The following NR2F6 variants were observed in gnomAD, a reference collection of about 807,000 sequenced individuals.
NR2F6 encodes nuclear receptor subfamily 2 group F member 6, also known as ERBA-related gene-2.
NR2F6 carries 16 observed loss-of-function variants against 26.5 expected under a neutral mutation model. That is an observed-to-expected ratio of 0.60 (90% CI 0.41 to 0.92). The LOEUF (loss-of-function observed/expected upper bound fraction) is 0.92, where lower values mean the gene tolerates loss of function less well. NR2F6 is among the 40% of genes least tolerant of loss of function. The probability of loss-of-function intolerance (pLI) is 0.00; values close to 1 mark genes in which losing one functional copy is unlikely to be tolerated. For missense variants in NR2F6, 536 were observed against 631.7 expected, an observed-to-expected ratio of 0.85 and a Z score of 1.62; for synonymous variants, 325 against 305.0, an observed-to-expected ratio of 1.07 and a Z score of -0.68.
chr19:17,232,732 G>A, intron 3 of NR2F6, 106 bp from the exon 4 acceptor site: 2 of 1,353,244 alleles, frequency 1.5e-6, no homozygotes, highest in South Asian at 3.0e-5. Flanking sequence ...AGAACAGGGG[G>A]CCGGGCATGA....
intron 2 of NR2F6, among the ~76,000 whole-genome samples, chr19:17,238,525 G>C (rs1193876605): frequency 6.6e-6 from 1 of 152,162 alleles, no homozygotes; most frequent in Non-Finnish European, 1.5e-5. Flanking sequence ...TAAAGCATGA[G>C]CTGTCATCAT....
chr19:17,244,887 G>A (rs1475022392), intron 1 of NR2F6, 56 bp downstream of exon 1: 2 of 1,538,276 alleles, frequency 1.3e-6, no homozygotes, highest in Non-Finnish European at 1.8e-6. Flanking sequence ...CAGGTCAGAG[G>A]CCTGCCCCAG....
Position 17,232,226 on chromosome 19 carries a change from A to T in NR2F6, c.*126T>A. The T allele has an allele frequency of 7.7e-7, 1 of 1,291,866 alleles. No homozygotes were observed. Among genetic ancestry groups the T allele is most frequent in the South Asian group, 1.4e-5 (1 of 70,654 alleles). 80.0% of individuals were successfully genotyped at this position (1,291,866 alleles called of 1,614,324 possible). A position where few individuals can be genotyped will look rare whatever the true frequency, so the allele number is the denominator to read the frequency against. On this transcript the variant is annotated 3_prime_UTR_variant, in exon 4 of 4. Coordinates refer to ENST00000291442, the MANE Select transcript of NR2F6 (RefSeq NM_005234.4). Reference sequence around the variant, plus strand: ...AAAGACAAACATTTCACAGTCTTTAAAAAATAGAAGTCTGAGGAGAGAAGC... The same window carrying T: ...AAAGACAAACATTTCACAGTCTTTATAAAATAGAAGTCTGAGGAGAGAAGC...
chr19:17,234,207 A>G (rs2145562882), intron 3 of NR2F6, among the ~76,000 whole-genome samples: 1 of 148,982 alleles, frequency 6.7e-6, no homozygotes, highest in African/African-American at 2.5e-5. Flanking sequence ...TGGGCGACGG[A>G]GTAAGACTCC....
rs1165810858 is a variant in NR2F6, at chr19:17,235,414, G to T, written c.940+85C>A. The T allele has an allele frequency of 3.3e-6, 5 of 1,511,158 alleles. No individual in the cohort carries two copies. The highest frequency in any genetic ancestry group is 4.4e-6 in the Non-Finnish European group (5 of 1,136,026). The allele number at this position is 1,511,158 out of a possible 1,614,324, so 93.6% of individuals were successfully genotyped here. On this transcript the variant is annotated intron_variant, in intron 3 of 3. Transcript: ENST00000291442. This position sits in a 1 kb window ranked among gnomAD's most constrained non-coding sequence, Gnocchi z 5.0. ...CTAGGGAGCGAGCGGGGCGCTATGG[G>T]GGCCGGAGTCTGGGTCCAGGCCGCC...
intron 3 of NR2F6, among the ~76,000 whole-genome samples, chr19:17,233,348 A>G (rs2073418509): frequency 7.1e-6 from 1 of 140,280 alleles, no homozygotes; most frequent in South Asian, 2.6e-4. Context: ...AACAAAACAA[A>G]AAACGACCCT....
intron 1 of NR2F6, 147 bp from the exon 2 acceptor site, chr19:17,240,912 C>T (rs2073465967): frequency 2.9e-6 from 2 of 699,516 alleles, no homozygotes; most frequent in Non-Finnish European, 4.8e-6. Flanking sequence ...GGTACAGGAG[C>T]TCAGCTTGCA....
At chr19:17,237,752 A>C (rs1209110537) in intron 2 of NR2F6, among the ~76,000 whole-genome samples, 1 of 152,130 alleles carries the variant, frequency 6.6e-6, no homozygotes, top group Admixed American at 6.5e-5. Context: ...ACCCCTCCCC[A>C]GCTCTTCAGC....
rs779893450 is a variant in NR2F6, at chr19:17,244,937, G to A, written c.278+6C>T. 1.9e-6 allele frequency: 3 copies of A among 1,564,492 alleles called. No individual in the cohort carries two copies. Among genetic ancestry groups the A allele is most frequent in the Middle Eastern group, 1.7e-4 (1 of 5,858 alleles). ...CACGGCGGCGGCGCGCGGATGGGGG[G>A]CTCACCGGCAGGTGTAGCTGAGGTT... is the stretch of plus-strand genomic sequence containing the variant. On this transcript the variant is annotated splice_donor_region_variant and intron_variant, in intron 1 of 3. Transcript: ENST00000291442.
At chr19:17,244,913 A>G (rs1568318894) in intron 1 of NR2F6, 30 bp downstream of exon 1, 1 of 1,553,004 alleles carries the variant, frequency 6.4e-7, no homozygotes, top group Non-Finnish European at 8.7e-7. Flanking sequence ...GGCGGGGTGC[A>G]CGGCGGCGGC....
Position 17,240,738 on chromosome 19 carries a change from CT to C in NR2F6, c.305del (p.Gln102ArgfsTer20), listed in dbSNP as rs1452550585. On this transcript the variant is annotated frameshift_variant, in exon 2 of 4. Coordinates refer to ENST00000291442, the MANE Select transcript of NR2F6 (RefSeq NM_005234.4). LOFTEE classifies it high-confidence loss of function. ...AGTACTGGCACTGGTTCCGGTGGTG[CT>C]GGTCGATCTGGCAGTCACGGTTGGA... ...CRSNRDCQID[Q>X]HHRNQCQYCR... 1 of 1,614,182 alleles carries C rather than the reference CT, an allele frequency of 6.2e-7. No individual in the cohort carries two copies. Among genetic ancestry groups the C allele is most frequent in the Non-Finnish European group, 8.5e-7 (1 of 1,180,028 alleles).
At chr19:17,244,153 G>C (rs1380560063) in intron 1 of NR2F6, 1 of 152,292 alleles carries the variant, frequency 6.6e-6, no homozygotes, top group Non-Finnish European at 1.5e-5. Flanking sequence ...GCTCCTGCTC[G>C]GAAACGTTTC....
intron 1 of NR2F6, among the ~76,000 whole-genome samples, chr19:17,241,385 C>T (rs573702545): frequency 1.8e-4 from 28 of 152,142 alleles, no homozygotes; most frequent in Non-Finnish European, 3.5e-4. Context: ...TACGCTCTTC[C>T]GAGAGGACCA....
chr19:17,238,375 A>G (rs1427011476), intron 2 of NR2F6, among the ~76,000 whole-genome samples: 1 of 152,106 alleles, frequency 6.6e-6, no homozygotes, highest in Non-Finnish European at 1.5e-5. Context: ...ATACAGGGGG[A>G]TCAGGAGGGC....
intron 2 of NR2F6, among the ~76,000 whole-genome samples, chr19:17,239,365 T>A (rs1216472084): frequency 7.5e-6 from 1 of 132,740 alleles, no homozygotes; most frequent in African/African-American, 2.9e-5. Context: ...ATACAAAAAT[T>A]AGGTGGGCGT....
intron 1 of NR2F6, among the ~76,000 whole-genome samples, chr19:17,243,467 C>G (rs1159877037): frequency 6.6e-6 from 1 of 152,104 alleles, no homozygotes; most frequent in Non-Finnish European, 1.5e-5. Flanking sequence ...CAAGGCCCCC[C>G]CCACCCAAAA....
At chr19:17,233,082 G>A (rs1293262288) in intron 3 of NR2F6, among the ~76,000 whole-genome samples, 1 of 152,186 alleles carries the variant, frequency 6.6e-6, no homozygotes, top group African/African-American at 2.4e-5. Context: ...GGGAGGCGGA[G>A]GTTGCAGTGA....
In NR2F6 at chr19:17,245,248, C is replaced by G; in HGVS notation, c.-28G>C. 1 of 1,234,422 alleles carries G rather than the reference C, an allele frequency of 8.1e-7. No individual in the cohort carries two copies. The highest frequency in any genetic ancestry group is 1.0e-6 in the Non-Finnish European group (1 of 991,964). The allele number at this position is 1,234,422 out of a possible 1,614,324, so 76.5% of individuals were successfully genotyped here. A position where few individuals can be genotyped will look rare whatever the true frequency, so the allele number is the denominator to read the frequency against. On this transcript the variant is annotated 5_prime_UTR_variant, in exon 1 of 4. Transcript: ENST00000291442. The surrounding 1 kb of genome is among the most constrained non-coding windows in gnomAD (Gnocchi z 5.0). The stretch of plus-strand genomic sequence containing the variant: ...CCCCAGGGCAGCGGGGCCGGGGCGC[C>G]CCCACCGCGCTCTTCCCTCCGGGCA...
chr19:17,237,808 T>C (rs900877999), intron 2 of NR2F6, among the ~76,000 whole-genome samples: 1 of 152,186 alleles, frequency 6.6e-6, no homozygotes, highest in Non-Finnish European at 1.5e-5. Context: ...TGTTGCTCTC[T>C]GACAAATGGC....
Sources: gnomAD v4.1 joint callset for allele counts (sites outside exome capture counted in the v4.1 genomes callset) on GRCh38, gnomAD v4.1.1 for gene constraint, Gnocchi (gnomAD v3.1) non-coding constraint, MANE v1.5 for transcripts, NCBI Gene and HGNC (gene_info 2026-07-23, HGNC 2026-07-21) for gene names.